ATP2B2: variants seen among roughly 807,000 people sequenced by gnomAD.
ATP2B2 encodes the protein ATPase plasma membrane Ca2+ transporting 2, also known as plasma membrane calcium-transporting ATPase 2.
A neutral mutation model predicts 120.0 loss-of-function variants in ATP2B2; 15 were observed. That is an observed-to-expected ratio of 0.12 (90% CI 0.08 to 0.19). The LOEUF (loss-of-function observed/expected upper bound fraction) is 0.19, where lower values mean the gene tolerates loss of function less well. Ranked by LOEUF, ATP2B2 falls within the 10% of genes least tolerant of loss-of-function variation. ATP2B2 has a pLI of 1.00. For synonymous variants in ATP2B2, 694 were observed against 700.3 expected (o/e 0.99, Z 0.14); for missense variants, 1,045 against 1,719.8 (o/e 0.61, Z 6.94).
chr3:10,700,901 A>G (rs1184758589), intron 1 of ATP2B2, among the ~76,000 whole-genome samples: 2 of 152,250 alleles, frequency 1.3e-5, no homozygotes, highest in Non-Finnish European at 2.9e-5. Context: ...AATAGCAAAC[A>G]GCATGGTGGT....
intron 2 of ATP2B2, among the ~76,000 whole-genome samples, chr3:10,607,777 A>G (rs1356468193): frequency 6.6e-6 from 1 of 152,190 alleles, no homozygotes; most frequent in Non-Finnish European, 1.5e-5. Context: ...TCACAAGTTC[A>G]GTGACCACAT....
intron 1 of ATP2B2, among the ~76,000 whole-genome samples, chr3:10,705,393 T>A (rs189479384): frequency 6.6e-6 from 1 of 152,338 alleles, no homozygotes; most frequent in East Asian, 1.9e-4. Flanking sequence ...ACCTGTAATG[T>A]CCTCCCCACA....
intron 1 of ATP2B2, among the ~76,000 whole-genome samples, chr3:10,694,519 G>A (rs558309964): frequency 4.9e-4 from 75 of 152,204 alleles, no homozygotes; most frequent in African/African-American, 1.7e-3. Context: ...ACTGTTCCAC[G>A]GGGTGGATGG....
chr3:10,379,672 T>C (rs554777301), intron 8 of ATP2B2, among the ~76,000 whole-genome samples: 134 of 152,180 alleles, frequency 8.8e-4, no homozygotes, highest in African/African-American at 2.8e-3. Context: ...ATTTGGTGTT[T>C]TCTGGGTTGA....
In ATP2B2 at chr3:10,378,317, T is replaced by G; in HGVS notation, c.1136A>C (p.His379Pro). 6.2e-7 allele frequency: 1 copy of G among 1,609,856 alleles called. No homozygotes were observed. Among genetic ancestry groups the G allele is most frequent in the Non-Finnish European group, 8.5e-7 (1 of 1,180,022 alleles). ...CTGCAGCACGGACTTCTCCTTCTTG[T>G]GCATGCTGGCCTTCTTCCTGTCGTC... is the stretch of plus-strand genomic sequence containing the variant. ...DADDRKKASM[H>P]KKEKSVLQGK... Residue 379 changes from histidine (H) to proline (P), a missense_variant, in exon 10 of 23, where the codon CAC (histidine) becomes CCC (proline). Coordinates refer to ENST00000360273, the MANE Select transcript of ATP2B2 (RefSeq NM_001001331.4).
rs571518776 is a variant in ATP2B2 at position 10,662,585 on chromosome 3, G to C, written c.-459-42624C>G. Among the ~76,000 whole-genome samples the C allele has an allele frequency of 2.1e-4, 31 of 150,220 alleles. No individual in the cohort carries two copies. The South Asian group carries it at 4.4e-3, about 21-fold the overall frequency. ...TAGAATGGAAATCATTAAAAAGTCA[G>C]GAAACAACAGGTGCTGGAGAGGATG... On this transcript the variant is annotated intron_variant, in intron 1 of 21. Coordinates refer to the ATP2B2 transcript ENST00000646379.
intron 3 of ATP2B2, among the ~76,000 whole-genome samples, chr3:10,533,032 T>C (rs1441556513): frequency 1.3e-5 from 2 of 152,310 alleles, no homozygotes; most frequent in East Asian, 3.9e-4. Context: ...CAACGTAAGT[T>C]GTGTCTGATG....
intron 2 of ATP2B2, among the ~76,000 whole-genome samples, chr3:10,610,859 C>G (rs4684720): frequency 0.89 from 135,306 of 152,208 alleles, 60,186 homozygotes; most frequent in Middle Eastern, 0.96. Flanking sequence ...GCATGGAAGA[C>G]CCCTGCAGCC....
Position 10,635,049 on chromosome 3 carries a change from G to A in ATP2B2, c.-459-15088C>T, listed in dbSNP as rs965837911. ...TAGAAGAAAGAGCCTTCCAACACTCGCAGGACCCCGAGATAAATGTCCCTG... is the reference window on the plus strand; with the variant it reads ...TAGAAGAAAGAGCCTTCCAACACTCACAGGACCCCGAGATAAATGTCCCTG... On this transcript the variant is annotated intron_variant, in intron 1 of 21. Coordinates refer to the ATP2B2 transcript ENST00000646379. The surrounding 1 kb of genome is among the most constrained non-coding windows in gnomAD (Gnocchi z 4.3). Among the ~76,000 whole-genome samples, 4 of 151,994 alleles carry A rather than the reference G, an allele frequency of 2.6e-5. No individual in the cohort carries two copies. The highest frequency in any genetic ancestry group is 2.1e-4 in the South Asian group (1 of 4,762).
At chr3:10,515,121 G>A (rs936695583) in intron 3 of ATP2B2, among the ~76,000 whole-genome samples, 5 of 152,232 alleles carry the variant, frequency 3.3e-5, no homozygotes, top group African/African-American at 7.2e-5. Context: ...TCAAAGAGAT[G>A]TGGGATTGAA....
intron 1 of ATP2B2, among the ~76,000 whole-genome samples, chr3:10,498,858 G>A (rs988302624): frequency 1.3e-5 from 2 of 152,128 alleles, no homozygotes; most frequent in African/African-American, 4.8e-5. Context: ...CACCCTCCTT[G>A]GACTAGGATG....
intron 3 of ATP2B2, among the ~76,000 whole-genome samples, 193 bp downstream of exon 3, chr3:10,410,425 C>T (rs973589044): frequency 2.6e-5 from 4 of 152,250 alleles, no homozygotes; most frequent in African/African-American, 7.2e-5. Flanking sequence ...GTGCATTTCA[C>T]ACAGGGAAAA....
chr3:10,677,528 A>T (rs1450021899), intron 1 of ATP2B2, among the ~76,000 whole-genome samples: 1 of 152,182 alleles, frequency 6.6e-6, no homozygotes, highest in Non-Finnish European at 1.5e-5. Flanking sequence ...AACACTTGCT[A>T]TGAACCCTAA....
At chr3:10,476,010 C>A (rs756255411) in intron 1 of ATP2B2, among the ~76,000 whole-genome samples, 3 of 152,194 alleles carry the variant, frequency 2.0e-5, no homozygotes, top group Non-Finnish European at 4.4e-5. Context: ...CCAGACTGCA[C>A]AGGAGGAGAA....
intron 1 of ATP2B2, among the ~76,000 whole-genome samples, chr3:10,698,533 T>C (rs2596849): frequency 0.89 from 134,750 of 152,200 alleles, 59,905 homozygotes; most frequent in African/African-American, 0.96. Flanking sequence ...TGTTAACACT[T>C]TGACAATGAC....
intron 1 of ATP2B2, among the ~76,000 whole-genome samples, chr3:10,481,673 C>A (rs1441548074): frequency 6.6e-6 from 1 of 152,128 alleles, no homozygotes; most frequent in African/African-American, 2.4e-5. Context: ...CCTGCCTCAG[C>A]CTCCTGAGTA....
chr3:10,410,843 TG>T (rs760284989), intron 2 of ATP2B2, 28 bp from the exon 3 acceptor site: 36 of 1,609,510 alleles, frequency 2.2e-5, no homozygotes, highest in Non-Finnish European at 2.8e-5. Flanking sequence ...AGAGGTTGGC[TG>T]GGGGCCTGGG....
intron 2 of ATP2B2, among the ~76,000 whole-genome samples, chr3:10,538,399 C>G (rs1185054183): frequency 1.3e-5 from 2 of 152,116 alleles, no homozygotes; most frequent in Non-Finnish European, 2.9e-5. Context: ...ATCCTGATAC[C>G]AAAGCCTGGT....
At chr3:10,506,500 T>C (rs1274879134), upstream of ATP2B2, among the ~76,000 whole-genome samples, 1 of 152,160 alleles carries the variant, frequency 6.6e-6, no homozygotes, top group Non-Finnish European at 1.5e-5. Context: ...TGCTCACCTC[T>C]TCCTGCCTAA....
Sources: gnomAD v4.1 joint callset for allele counts (sites outside exome capture counted in the v4.1 genomes callset) on GRCh38, gnomAD v4.1.1 for gene constraint, Gnocchi (gnomAD v3.1) non-coding constraint, MANE v1.5 for transcripts, NCBI Gene and HGNC (gene_info 2026-07-23, HGNC 2026-07-21) for gene names.